PEMT: variants seen among roughly 807,000 people sequenced by gnomAD.
PEMT encodes phosphatidylethanolamine N-methyltransferase.
PEMT carries 23 observed loss-of-function variants against 27.4 expected under a neutral mutation model. The observed-to-expected ratio is 0.84, with a 90% CI of 0.60 to 1.19. PEMT has a LOEUF of 1.19. Among genes scored for constraint, PEMT ranks in the 50% most tolerant of loss-of-function variants. The pLI, the probability that PEMT is intolerant of heterozygous loss-of-function variation, is 0.00. For missense variants in PEMT, 307 were observed against 310.1 expected, an observed-to-expected ratio of 0.99 and a Z score of 0.07; for synonymous variants, 137 against 139.1, an observed-to-expected ratio of 0.98 and a Z score of 0.11.
intron 1 of PEMT, among the ~76,000 whole-genome samples, chr17:17,584,034 G>T (rs140639062): frequency 6.6e-6 from 1 of 152,246 alleles, no homozygotes; most frequent in Non-Finnish European, 1.5e-5. Flanking sequence ...GACAGCTCAC[G>T]TGCTCCAGCA....
intron 2 of PEMT, among the ~76,000 whole-genome samples, chr17:17,553,641 C>T (rs1471579388): frequency 6.6e-6 from 1 of 152,244 alleles, no homozygotes; most frequent in African/African-American, 2.4e-5. Flanking sequence ...CCCAGCACCC[C>T]CTGCTCAGTT....
chr17:17,541,531 G>A (rs927232518), intron 2 of PEMT, among the ~76,000 whole-genome samples: 3 of 152,240 alleles, frequency 2.0e-5, no homozygotes, highest in Non-Finnish European at 2.9e-5. Context: ...CTCATCCCAA[G>A]GCGCCAGTTC....
intron 4 of PEMT, 127 bp from the exon 5 acceptor site, chr17:17,509,672 C>T (rs1287425673): frequency 2.9e-6 from 2 of 693,336 alleles, no homozygotes; most frequent in Non-Finnish European, 5.2e-6. Context: ...CTCCAGGAGA[C>T]TTCAGAGAGT....
intron 5 of PEMT, 93 bp downstream of exon 5, chr17:17,509,341 C>A: frequency 1.3e-6 from 1 of 792,150 alleles, no homozygotes. Context: ...CTTTCTCTCT[C>A]TCCAGGGGCC....
Position 17,582,216 on chromosome 17 carries a change from C to T in PEMT, c.97-5189G>A. The T allele has an allele frequency of 3.1e-6, 3 of 958,950 alleles. No individual in the cohort carries two copies. The highest frequency in any genetic ancestry group is 3.7e-6 in the Non-Finnish European group (3 of 805,726). The allele number at this position is 958,950 out of a possible 1,614,324, so 59.4% of individuals were successfully genotyped here. A position where few individuals can be genotyped will look rare whatever the true frequency, so the allele number is the denominator to read the frequency against. Reference sequence around the variant, plus strand: ...TTCTAATGGAACCCCCACTCCAAGGCTCCAGGTTGCAGAGGCCTCGGAATC... The same window carrying T: ...TTCTAATGGAACCCCCACTCCAAGGTTCCAGGTTGCAGAGGCCTCGGAATC... On this transcript the variant is annotated intron_variant, in intron 1 of 6. Coordinates refer to ENST00000255389, the MANE Select transcript of PEMT (RefSeq NM_148172.3). The surrounding 1 kb of genome is among the most constrained non-coding windows in gnomAD (Gnocchi z 4.9).
intron 3 of PEMT, among the ~76,000 whole-genome samples, chr17:17,519,621 A>T (rs551378952): frequency 2.0e-4 from 30 of 152,104 alleles, no homozygotes; most frequent in Non-Finnish European, 4.0e-4. Context: ...GGCCTGGAGG[A>T]GGAAGGATGA....
chr17:17,584,764 G>A (rs570037294), intron 1 of PEMT, among the ~76,000 whole-genome samples: 2 of 152,366 alleles, frequency 1.3e-5, no homozygotes, highest in South Asian at 2.1e-4. Flanking sequence ...CCAAGCTCTG[G>A]CAAGGGACTT....
At position 17,583,923 on chromosome 17, in the gene PEMT, AG is replaced by A. The variant is rs151084790; in HGVS notation, c.97-6897del. Among the ~76,000 whole-genome samples the A allele has an allele frequency of 5.3e-3, 802 of 152,356 alleles. 4 individuals carry two copies. Among genetic ancestry groups the A allele is most frequent in the African/African-American group, 0.018 (764 of 41,578 alleles). ...CCCACAGTAAAACGAAATGGCAGGC[AG>A]CTGCTCCAGTTCCCTAGATCCATAA... is the stretch of plus-strand genomic sequence containing the variant. On this transcript the variant is annotated intron_variant, in intron 1 of 6. Transcript: ENST00000255389.
intron 1 of PEMT, among the ~76,000 whole-genome samples, chr17:17,586,264 G>T (rs553778197): frequency 9.1e-5 from 10 of 109,750 alleles, no homozygotes; most frequent in Admixed American, 1.9e-4. Flanking sequence ...AAGAAAGAAA[G>T]AAAGAAAGAA....
chr17:17,543,538 C>G (rs553091618), intron 2 of PEMT, among the ~76,000 whole-genome samples: 1 of 152,160 alleles, frequency 6.6e-6, no homozygotes, highest in African/African-American at 2.4e-5. Context: ...ATGAAATGCT[C>G]TCACGACAAA....
At chr17:17,550,783 C>G (rs2142643399) in intron 2 of PEMT, among the ~76,000 whole-genome samples, 1 of 152,338 alleles carries the variant, frequency 6.6e-6, no homozygotes, top group Admixed American at 6.5e-5. Context: ...CCTGGTCAGA[C>G]TGGGACCACT....
intron 3 of PEMT, among the ~76,000 whole-genome samples, chr17:17,520,766 G>A (rs560286646): frequency 6.6e-6 from 1 of 152,386 alleles, no homozygotes; most frequent in South Asian, 2.1e-4. Flanking sequence ...AGAGAAAGCA[G>A]GCAGCCCTGG....
At chr17:17,559,295 A>G (rs977487066) in intron 2 of PEMT, among the ~76,000 whole-genome samples, 1 of 150,812 alleles carries the variant, frequency 6.6e-6, no homozygotes, top group African/African-American at 2.4e-5. Flanking sequence ...CTTCCCATGC[A>G]AGCCTTGCCA....
At chr17:17,569,835 C>G (rs544963860) in intron 2 of PEMT, among the ~76,000 whole-genome samples, 1 of 152,178 alleles carries the variant, frequency 6.6e-6, no homozygotes, top group African/African-American at 2.4e-5. Context: ...CTGGCTCCCT[C>G]GGGACAACAC....
intron 2 of PEMT, among the ~76,000 whole-genome samples, chr17:17,560,600 C>T (rs1355833843): frequency 4.6e-5 from 7 of 152,176 alleles, no homozygotes; most frequent in Admixed American, 2.6e-4. Context: ...GGAATGGGGG[C>T]GCGGGCCCCT....
chr17:17,554,634 GAC>G (rs1474403197), intron 2 of PEMT, among the ~76,000 whole-genome samples: 1 of 151,834 alleles, frequency 6.6e-6, no homozygotes, highest in Non-Finnish European at 1.5e-5. Context: ...AATTTTTTGA[GAC>G]AGAGTGTCTC....
intron 2 of PEMT, among the ~76,000 whole-genome samples, chr17:17,564,678 C>G (rs895775167): frequency 2.0e-5 from 3 of 152,180 alleles, no homozygotes; most frequent in African/African-American, 7.2e-5. Context: ...GCGGGTACCC[C>G]CAGTCTCTCT....
At chr17:17,555,246 C>T (rs1162762245) in intron 2 of PEMT, among the ~76,000 whole-genome samples, 4 of 152,040 alleles carry the variant, frequency 2.6e-5, no homozygotes, top group East Asian at 1.9e-4. Flanking sequence ...AGAAGAAGGG[C>T]GACACGGAGG....
intron 2 of PEMT, among the ~76,000 whole-genome samples, chr17:17,576,683 C>T (rs1224961613): frequency 6.6e-6 from 1 of 152,216 alleles, no homozygotes; most frequent in Non-Finnish European, 1.5e-5. Context: ...GAGGGCCACC[C>T]CTACAGTCCT....
Sources: allele counts gnomAD v4.1 joint callset (sites outside exome capture counted in the v4.1 genomes callset), GRCh38; gene constraint gnomAD v4.1.1; non-coding constraint Gnocchi (gnomAD v3.1); transcripts MANE v1.5; gene names NCBI Gene and HGNC (gene_info 2026-07-23, HGNC 2026-07-21).